Variants in CTNNA3 observed in about 807,000 individuals in gnomAD.
CTNNA3 encodes the protein catenin alpha-3.
In CTNNA3, 76 loss-of-function variants were observed where a neutral mutation model predicts 95.7. That is an observed-to-expected ratio of 0.79 (90% CI 0.66 to 0.96). The LOEUF is 0.96. Among genes scored for constraint, CTNNA3 ranks in the 40% least tolerant of loss-of-function variants. CTNNA3 has a pLI of 0.00. For missense variants in CTNNA3, 1,191 were observed against 1,089.8 expected (o/e 1.09, Z -1.31); for synonymous variants, 431 against 374.4 (o/e 1.15, Z -1.74).
chr10:67,371,504 T>G (rs895850703), intron 5 of CTNNA3, among the ~76,000 whole-genome samples: 1 of 151,966 alleles, frequency 6.6e-6, no homozygotes, highest in Non-Finnish European at 1.5e-5. Context: ...CTTGCAATAG[T>G]TTGCTGAGAA....
intron 15 of CTNNA3, among the ~76,000 whole-genome samples, chr10:66,041,283 T>A (rs1025795032): frequency 7.2e-5 from 11 of 152,162 alleles, no homozygotes; most frequent in African/African-American, 2.7e-4. Context: ...ATGTCATAGA[T>A]TGGAGGAGCC....
chr10:66,206,499 C>T (rs2087763531), intron 13 of CTNNA3, among the ~76,000 whole-genome samples: 1 of 151,776 alleles, frequency 6.6e-6, no homozygotes, highest in Non-Finnish European at 1.5e-5. Flanking sequence ...GTGTTATCCT[C>T]TAGAAAACTG....
At position 66,951,492 on chromosome 10, in the gene CTNNA3, C is replaced by T. The variant is rs561695975; in HGVS notation, c.1048-175968G>A. ...TGTCCCCTAACGTATTTAATTCTTA[C>T]GACAAATCTATGAGATAGGTACTGT... is the stretch of plus-strand genomic sequence containing the variant. On this transcript the variant is annotated intron_variant, in intron 7 of 17. Coordinates refer to ENST00000433211, the MANE Select transcript of CTNNA3 (RefSeq NM_013266.4). Among the ~76,000 whole-genome samples, 28 of 152,226 alleles carry T rather than the reference C, an allele frequency of 1.8e-4. No individual in the cohort carries two copies. In the South Asian group the frequency reaches 2.5e-3, roughly 14 times the overall value.
intron 11 of CTNNA3, among the ~76,000 whole-genome samples, chr10:66,516,574 G>T (rs1316400982): frequency 6.6e-6 from 1 of 152,098 alleles, no homozygotes; most frequent in Non-Finnish European, 1.5e-5. Context: ...ACCTGCAAAG[G>T]TGGGGGTATT....
chr10:66,697,651 G>A (rs948062432), intron 9 of CTNNA3, among the ~76,000 whole-genome samples: 2 of 152,056 alleles, frequency 1.3e-5, no homozygotes, highest in Non-Finnish European at 2.9e-5. Flanking sequence ...AATGCTCAAT[G>A]TGCTCGTCTA....
At chr10:65,943,568 C>A (rs1049604554) in intron 17 of CTNNA3, among the ~76,000 whole-genome samples, 7 of 152,156 alleles carry the variant, frequency 4.6e-5, no homozygotes, top group Non-Finnish European at 1.0e-4. Context: ...GGACACAAAT[C>A]TTTCTGTCAA....
chr10:66,706,107 A>G (rs746099663), intron 9 of CTNNA3, among the ~76,000 whole-genome samples: 1 of 152,016 alleles, frequency 6.6e-6, no homozygotes, highest in Non-Finnish European at 1.5e-5. Flanking sequence ...ACAGTATTTC[A>G]TACATCATCA....
At chr10:66,202,077 C>T (rs2087462398) in intron 13 of CTNNA3, among the ~76,000 whole-genome samples, 1 of 152,174 alleles carries the variant, frequency 6.6e-6, no homozygotes, top group African/African-American at 2.4e-5. Context: ...CGAGCCACCA[C>T]ACCTGGCCTT....
chr10:67,476,009 G>A (rs1847995330), intron 5 of CTNNA3, among the ~76,000 whole-genome samples: 3 of 152,188 alleles, frequency 2.0e-5, no homozygotes, highest in Admixed American at 2.0e-4. Flanking sequence ...CCGGGGCCAG[G>A]ATGATAGCCA....
chr10:67,454,355 A>G (rs1191875092), intron 5 of CTNNA3, among the ~76,000 whole-genome samples: 10 of 152,032 alleles, frequency 6.6e-5, no homozygotes, highest in African/African-American at 2.4e-4. Context: ...TGTTTCCTCT[A>G]TATGATAAAC....
intron 13 of CTNNA3, among the ~76,000 whole-genome samples, chr10:66,215,454 T>C (rs1589753720): frequency 6.6e-6 from 1 of 152,180 alleles, no homozygotes; most frequent in Non-Finnish European, 1.5e-5. Context: ...CCACTTCTGG[T>C]ATCACTGTCC....
At chr10:67,263,932 G>A (rs748124381) in intron 5 of CTNNA3, among the ~76,000 whole-genome samples, 4 of 151,846 alleles carry the variant, frequency 2.6e-5, no homozygotes, top group African/African-American at 4.8e-5. Flanking sequence ...GAACTGAATT[G>A]TAATAAAAAA....
intron 2 of CTNNA3, among the ~76,000 whole-genome samples, chr10:67,638,457 G>C (rs1397007897): frequency 1.3e-5 from 2 of 152,158 alleles, no homozygotes; most frequent in African/African-American, 4.8e-5. Flanking sequence ...CAGTGAGACA[G>C]AAAGTTAACA....
chr10:67,206,337 T>C (rs1863900807), intron 6 of CTNNA3, among the ~76,000 whole-genome samples: 1 of 152,186 alleles, frequency 6.6e-6, no homozygotes, highest in South Asian at 2.1e-4. Context: ...CTGTGGTATA[T>C]ATCACATTCT....
chr10:67,202,018 A>C (rs1234266665), intron 6 of CTNNA3, among the ~76,000 whole-genome samples: 1 of 152,228 alleles, frequency 6.6e-6, no homozygotes, highest in Non-Finnish European at 1.5e-5. Flanking sequence ...AATCACGCTT[A>C]TGATAAAAAC....
At chr10:67,138,381 G>A (rs1299829943) in intron 7 of CTNNA3, among the ~76,000 whole-genome samples, 1 of 152,158 alleles carries the variant, frequency 6.6e-6, no homozygotes, top group Non-Finnish European at 1.5e-5. Context: ...AAATCATACT[G>A]TTCAGTAGAT....
At chr10:66,536,315 A>G (rs560185853) in intron 10 of CTNNA3, among the ~76,000 whole-genome samples, 121 of 151,738 alleles carry the variant, frequency 8.0e-4, no homozygotes, top group African/African-American at 2.8e-3. Context: ...AACTCCATCT[A>G]TACTAAAAAT....
At chr10:67,590,802 C>A (rs1046775804) in intron 3 of CTNNA3, among the ~76,000 whole-genome samples, 12 of 151,960 alleles carry the variant, frequency 7.9e-5, no homozygotes, top group African/African-American at 2.9e-4. Flanking sequence ...ATACCAATAT[C>A]TTTTCTCAGT....
chr10:66,640,275 C>T (rs1299464449), intron 9 of CTNNA3, among the ~76,000 whole-genome samples: 3 of 152,096 alleles, frequency 2.0e-5, no homozygotes, highest in Admixed American at 1.3e-4. Flanking sequence ...CTATTGACCA[C>T]TCATGGCATA....
Sources: allele counts gnomAD v4.1 joint callset (sites outside exome capture counted in the v4.1 genomes callset), GRCh38; gene constraint gnomAD v4.1.1; transcripts MANE v1.5; gene names NCBI Gene and HGNC (gene_info 2026-07-23, HGNC 2026-07-21).